Variants in ARMH1 observed in about 807,000 individuals in gnomAD.
The protein encoded by ARMH1 is armadillo-like helical domain containing protein 1.
In ARMH1, 34 loss-of-function variants were observed where a neutral mutation model predicts 50.2. That is an observed-to-expected ratio of 0.68 (90% confidence interval 0.51 to 0.90). ARMH1 has a LOEUF of 0.90. Among genes scored for constraint, ARMH1 ranks in the 40% least tolerant of loss-of-function variants. ARMH1 has a pLI of 0.00. For missense variants in ARMH1, 538 were observed against 553.9 expected (o/e 0.97, Z 0.29); for synonymous variants, 221 against 224.2 (o/e 0.99, Z 0.13).
At chr1:44,715,706 C>T (rs894576362) in intron 6 of ARMH1, among the ~76,000 whole-genome samples, 2 of 152,032 alleles carry the variant, frequency 1.3e-5, no homozygotes, top group Admixed American at 1.3e-4. Context: ...ATTACAGGCG[C>T]CCACCATCAC....
chr1:44,705,660 C>T (rs1236530625), intron 6 of ARMH1, among the ~76,000 whole-genome samples: 2 of 152,134 alleles, frequency 1.3e-5, no homozygotes, highest in Non-Finnish European at 2.9e-5. Context: ...GTATGCTTCC[C>T]AAGGTTACAC....
At chr1:44,700,483 G>A (rs956153076) in intron 4 of ARMH1, among the ~76,000 whole-genome samples, 13 of 151,866 alleles carry the variant, frequency 8.6e-5, no homozygotes, top group Non-Finnish European at 1.8e-4. Context: ...AGGCCTGGTG[G>A]CACACACCTG....
chr1:44,682,235 A>G lies in ARMH1; in HGVS notation c.-23+7362A>G, dbSNP rs941098149. The stretch of plus-strand genomic sequence containing the variant: ...TTACCAGAGACCCTGCTAGCCACCC[A>G]AATTACAAAGATGGAGCACACTGAT... On this transcript the variant is annotated intron_variant, in intron 1 of 11. Coordinates refer to ENST00000535358, the MANE Select transcript of ARMH1 (RefSeq NM_001145636.2). The surrounding 1 kb of genome is among the most constrained non-coding windows in gnomAD (Gnocchi z 4.5). Among the ~76,000 whole-genome samples the G allele has an allele frequency of 6.6e-6, 1 of 152,238 alleles. No homozygotes were observed. Among genetic ancestry groups the G allele is most frequent in the Non-Finnish European group, 1.5e-5 (1 of 68,034 alleles).
chr1:44,703,948 G>A (rs1008653498), intron 5 of ARMH1, 141 bp from the exon 6 acceptor site: 2 of 593,018 alleles, frequency 3.4e-6, no homozygotes, highest in African/African-American at 3.8e-5. Flanking sequence ...GGATGGTCTG[G>A]ATCTCCTGAC....
intron 2 of ARMH1, among the ~76,000 whole-genome samples, chr1:44,695,520 G>A (rs1645795614): frequency 6.9e-6 from 1 of 144,018 alleles, no homozygotes; most frequent in African/African-American, 2.7e-5. Flanking sequence ...TGGGTGTGGT[G>A]GCTCACGCCA....
At chr1:44,680,940 G>A (rs770690809) in intron 1 of ARMH1, among the ~76,000 whole-genome samples, 9 of 151,452 alleles carry the variant, frequency 5.9e-5, no homozygotes, top group East Asian at 3.9e-4. Context: ...TGTCAAGGCC[G>A]TAGGAATGAC....
At position 44,700,869 on chromosome 1, in the gene ARMH1, G is replaced by C; in HGVS notation, c.443-54G>C. 1.4e-6 allele frequency: 2 copies of C among 1,429,418 alleles called. 1 individual carries two copies. The highest frequency in any genetic ancestry group is 1.9e-6 in the Non-Finnish European group (2 of 1,064,626). The allele number at this position is 1,429,418 out of a possible 1,614,324, so 88.5% of individuals were successfully genotyped here. A position where few individuals can be genotyped will look rare whatever the true frequency, so the allele number is the denominator to read the frequency against. On this transcript the variant is annotated intron_variant, in intron 4 of 11. Coordinates refer to ENST00000535358, the MANE Select transcript of ARMH1 (RefSeq NM_001145636.2). ...TATTCATATTATATAATCTTGAGTG[G>C]GGATTTTTTCATAAATCCCTTCCAA...
At chr1:44,703,260 C>G (rs1646175536) in intron 5 of ARMH1, among the ~76,000 whole-genome samples, 1 of 152,054 alleles carries the variant, frequency 6.6e-6, no homozygotes, top group Non-Finnish European at 1.5e-5. Flanking sequence ...TGTTCCTGCA[C>G]CTCTAGCAGG....
chr1:44,703,155 A>G (rs966812962), intron 5 of ARMH1, among the ~76,000 whole-genome samples: 2 of 152,194 alleles, frequency 1.3e-5, no homozygotes, highest in African/African-American at 4.8e-5. Flanking sequence ...GTCTGATGGG[A>G]TGAGGTTCCT....
chr1:44,688,617 A>G (rs1645552634), intron 1 of ARMH1, among the ~76,000 whole-genome samples: 1 of 152,230 alleles, frequency 6.6e-6, no homozygotes, highest in South Asian at 2.1e-4. Flanking sequence ...TTTCACAAAT[A>G]TTCTGTAAAT....
Position 44,704,787 on chromosome 1 carries a change from C to T in ARMH1, c.724+614C>T, listed in dbSNP as rs184794590. On this transcript the variant is annotated intron_variant, in intron 6 of 11. Transcript: ENST00000535358. ...TCAGCCACCCAAAGTGCTGGGATTA[C>T]AGGCATGAGCCACTGCACCCGGCCA... Among the ~76,000 whole-genome samples the T allele has an allele frequency of 3.8e-3, 576 of 151,974 alleles. 4 individuals carry two copies. The highest frequency in any genetic ancestry group is 0.013 in the African/African-American group (540 of 41,456).
intron 6 of ARMH1, chr1:44,721,834 T>C (rs753954145): frequency 1.2e-4 from 18 of 152,148 alleles, no homozygotes; most frequent in South Asian, 2.1e-4. Context: ...AACTCATAGT[T>C]GTTTTTCTCC....
chr1:44,692,448 T>C (rs1645688305), intron 2 of ARMH1, among the ~76,000 whole-genome samples: 1 of 152,108 alleles, frequency 6.6e-6, no homozygotes, highest in Non-Finnish European at 1.5e-5. Context: ...GCTTAATATC[T>C]CTCTTTCCCC....
chr1:44,724,598 G>A lies in ARMH1; in HGVS notation c.980G>A (p.Arg327His). The A allele has an allele frequency of 2.6e-6, 4 of 1,516,712 alleles. No individual in the cohort carries two copies. 94.0% of individuals were successfully genotyped at this position (1,516,712 alleles called of 1,614,324 possible). A position where few individuals can be genotyped will look rare whatever the true frequency, so the allele number is the denominator to read the frequency against. Reference protein sequence around the residue: ...AEELLYLRVVRGLMAAMGNTD... With the variant: ...AEELLYLRVVHGLMAAMGNTD... Reference sequence around the variant, plus strand: ...GAGCTGCTGTACCTGCGCGTGGTGCGTGGCCTAATGGCCGCCATGGGCAAC... The same window carrying A: ...GAGCTGCTGTACCTGCGCGTGGTGCATGGCCTAATGGCCGCCATGGGCAAC... The change falls in exon 9 of 12, where the codon CGT becomes CAT. Residue 327 changes from arginine (R) to histidine (H), a missense_variant. Physicochemically the swap from Arg to His is conservative, Grantham distance 29. Transcript: ENST00000535358. This position sits in a 1 kb window ranked among gnomAD's most constrained non-coding sequence, Gnocchi z 6.4.
At chr1:44,696,810 A>T (rs1426328762) in intron 2 of ARMH1, among the ~76,000 whole-genome samples, 1 of 152,196 alleles carries the variant, frequency 6.6e-6, no homozygotes, top group African/African-American at 2.4e-5. Context: ...AGCCTTCTCC[A>T]GGGACCCTTA....
At chr1:44,705,691 A>T (rs879084365) in intron 6 of ARMH1, among the ~76,000 whole-genome samples, 2 of 152,234 alleles carry the variant, frequency 1.3e-5, no homozygotes, top group East Asian at 1.9e-4. Flanking sequence ...TTCTAGCCAG[A>T]TCTGCCTGAC....
intron 6 of ARMH1, among the ~76,000 whole-genome samples, chr1:44,709,946 T>C (rs1646528080): frequency 6.6e-6 from 1 of 152,222 alleles, no homozygotes; most frequent in African/African-American, 2.4e-5. Context: ...AATACAATTT[T>C]TGTCTACTTG....
rs568308390 is a variant in ARMH1, at chr1:44,705,549, C to A, written c.724+1376C>A. Among the ~76,000 whole-genome samples, 6 of 151,878 alleles carry A rather than the reference C, an allele frequency of 4.0e-5. No homozygotes were observed. In the East Asian group the frequency reaches 1.2e-3, roughly 29 times the overall value. On this transcript the variant is annotated intron_variant, in intron 6 of 11. Coordinates refer to ENST00000535358, the MANE Select transcript of ARMH1 (RefSeq NM_001145636.2). ...AACAAAATAACCATAAGAGTACAAA[C>A]CCTGGTACATATTAGGTATTCAAAT...
At chr1:44,680,046 G>A (rs940359807) in intron 1 of ARMH1, among the ~76,000 whole-genome samples, 1 of 152,254 alleles carries the variant, frequency 6.6e-6, no homozygotes, top group Non-Finnish European at 1.5e-5. Context: ...AAAGGAACCT[G>A]GCCATTCCTG....
Sources: allele counts gnomAD v4.1 joint callset (sites outside exome capture counted in the v4.1 genomes callset), GRCh38; gene constraint gnomAD v4.1.1; non-coding constraint Gnocchi (gnomAD v3.1); transcripts MANE v1.5; gene names NCBI Gene and HGNC (gene_info 2026-07-23, HGNC 2026-07-21).